NEK1: variants seen among roughly 807,000 people sequenced by gnomAD.
The protein encoded by NEK1 is serine/threonine-protein kinase Nek1.
A neutral mutation model predicts 182.1 loss-of-function variants in NEK1; 137 were observed. The observed-to-expected ratio is 0.75, with a 90% CI of 0.65 to 0.87. NEK1 has a LOEUF of 0.87. Among genes scored for constraint, NEK1 ranks in the 40% least tolerant of loss-of-function variants. NEK1 has a pLI of 0.00. For missense variants in NEK1, 1,391 were observed against 1,494.4 expected, an observed-to-expected ratio of 0.93 and a Z score of 1.14; for synonymous variants, 513 against 492.2, an observed-to-expected ratio of 1.04 and a Z score of -0.56.
intron 32 of NEK1, among the ~76,000 whole-genome samples, chr4:169,404,770 T>G (rs933354325): frequency 5.6e-5 from 7 of 124,492 alleles, no homozygotes; most frequent in African/African-American, 2.0e-4. Context: ...TTTTGTTTTT[T>G]TATGGAAAAA....
intron 12 of NEK1, among the ~76,000 whole-genome samples, chr4:169,570,256 C>T (rs1353651434): frequency 1.3e-5 from 2 of 151,842 alleles, no homozygotes; most frequent in Non-Finnish European, 2.9e-5. Context: ...CTCTGCCTGG[C>T]AACCGCCCCA....
At chr4:169,580,036 A>ATG (rs1766354698) in intron 11 of NEK1, among the ~76,000 whole-genome samples, 1 of 152,218 alleles carries the variant, frequency 6.6e-6, no homozygotes, top group African/African-American at 2.4e-5. Context: ...TCCCTCTCAC[A>ATG]TAGATACATC....
chr4:169,536,142 CAA>C (rs1265509882), intron 19 of NEK1, among the ~76,000 whole-genome samples: 2 of 151,308 alleles, frequency 1.3e-5, no homozygotes, highest in Admixed American at 1.3e-4. Context: ...TAAAAAAATA[CAA>C]AACTTAGATG....
chr4:169,433,581 A>C lies in NEK1; in HGVS notation c.2849T>G (p.Val950Gly). The C allele has an allele frequency of 6.2e-7, 1 of 1,612,764 alleles. No individual in the cohort carries two copies. Among genetic ancestry groups the C allele is most frequent in the African/African-American group, 1.3e-5 (1 of 75,022 alleles). The change falls in exon 29 of 36, where the codon GTG becomes GGG. Residue 950 changes from valine to glycine, a missense_variant. Coordinates refer to ENST00000507142, the MANE Select transcript of NEK1 (RefSeq NM_001199397.3). ...DESLPCTITD[V>G]WISEEKETKE... ...TGTTTCTTTTTCCTCACTAATCCACACATCAGTAATAGTGCATGGCAAGCT... is the reference window on the plus strand; with the variant it reads ...TGTTTCTTTTTCCTCACTAATCCACCCATCAGTAATAGTGCATGGCAAGCT...
rs551116876 is a variant in NEK1, at chr4:169,468,804, G to C, written c.2435-5409C>G. On this transcript the variant is annotated intron_variant, in intron 26 of 35. Transcript: ENST00000507142. ...TGCCTGAATTTCAGAACTTGTTATT[G>C]GTCTATTTTCAGGGATTCGACTTCT... Among the ~76,000 whole-genome samples the C allele has an allele frequency of 2.0e-5, 3 of 152,202 alleles. No homozygotes were observed. The East Asian group carries it at 5.8e-4, about 29-fold the overall frequency.
chr4:169,450,534 T>C (rs1049041026), intron 27 of NEK1, among the ~76,000 whole-genome samples: 15 of 152,152 alleles, frequency 9.9e-5, no homozygotes, highest in African/African-American at 3.4e-4. Flanking sequence ...TCAACATTCT[T>C]CAAGGAAAGA....
intron 4 of NEK1, among the ~76,000 whole-genome samples, chr4:169,601,628 A>C (rs972188308): frequency 6.6e-6 from 1 of 152,138 alleles, no homozygotes; most frequent in Non-Finnish European, 1.5e-5. Flanking sequence ...AAAAATATGT[A>C]AATTACTGTT....
intron 19 of NEK1, among the ~76,000 whole-genome samples, chr4:169,524,374 T>C (rs1452559452): frequency 1.3e-5 from 2 of 151,398 alleles, no homozygotes; most frequent in East Asian, 1.9e-4. Flanking sequence ...TAAAGCAGAA[T>C]TGCTTGAACC....
chr4:169,495,304 C>G (rs1228410974), intron 23 of NEK1, among the ~76,000 whole-genome samples: 2 of 138,362 alleles, frequency 1.4e-5, no homozygotes, highest in African/African-American at 5.3e-5. Flanking sequence ...AGTGCAGTGG[C>G]GCGATCTCGA....
chr4:169,547,098 G>C (rs368267673), intron 18 of NEK1, among the ~76,000 whole-genome samples: 1 of 152,136 alleles, frequency 6.6e-6, no homozygotes, highest in East Asian at 1.9e-4. Flanking sequence ...ATATGCTTTT[G>C]CAGTGGCTGG....
intron 12 of NEK1, chr4:169,576,570 G>A (rs189064840): frequency 1.2e-5 from 2 of 170,942 alleles, no homozygotes; most frequent in Admixed American, 1.2e-4. Context: ...CTGTTTATCT[G>A]ATTGTGAATT....
At chr4:169,450,569 C>T (rs761166213) in intron 27 of NEK1, among the ~76,000 whole-genome samples, 1 of 152,130 alleles carries the variant, frequency 6.6e-6, no homozygotes, top group Admixed American at 6.6e-5. Flanking sequence ...ATTTGATATC[C>T]AGCCAAACTA....
intron 19 of NEK1, among the ~76,000 whole-genome samples, chr4:169,513,785 G>A (rs900566746): frequency 3.3e-5 from 5 of 151,884 alleles, no homozygotes; most frequent in African/African-American, 1.2e-4. Flanking sequence ...ATGAATGGGT[G>A]CTGATTTTTT....
At chr4:169,610,598 C>G (rs1166897037) in intron 2 of NEK1, among the ~76,000 whole-genome samples, 1 of 152,184 alleles carries the variant, frequency 6.6e-6, no homozygotes, top group Non-Finnish European at 1.5e-5. Context: ...CAGGTAAGAG[C>G]CACAGCACCC....
At chr4:169,447,096 G>T (rs947416304) in intron 27 of NEK1, among the ~76,000 whole-genome samples, 5 of 152,090 alleles carry the variant, frequency 3.3e-5, no homozygotes, top group African/African-American at 9.7e-5. Flanking sequence ...GAAGGTTATA[G>T]AACACCAAGC....
intron 18 of NEK1, among the ~76,000 whole-genome samples, chr4:169,543,489 G>A (rs538352663): frequency 3.3e-4 from 50 of 152,262 alleles, no homozygotes; most frequent in Admixed American, 1.2e-3. Context: ...GGTTCCATAC[G>A]AAATTTAAAG....
At chr4:169,401,206 GAC>G (rs544147713) in intron 33 of NEK1, among the ~76,000 whole-genome samples, 87 of 152,230 alleles carry the variant, frequency 5.7e-4, no homozygotes, top group African/African-American at 2.0e-3. Context: ...TATTGAAACA[GAC>G]ACACTTTCTA....
chr4:169,564,421 A>G (rs1332745353), intron 12 of NEK1, among the ~76,000 whole-genome samples: 1 of 152,162 alleles, frequency 6.6e-6, no homozygotes. Context: ...ATATTTTAAC[A>G]TAAGTCATTG....
intron 11 of NEK1, among the ~76,000 whole-genome samples, chr4:169,577,710 C>A (rs1018014658): frequency 6.6e-6 from 1 of 151,846 alleles, no homozygotes; most frequent in Non-Finnish European, 1.5e-5. Context: ...GCCGAGATTG[C>A]GCCACTGCAC....
Sources: gnomAD v4.1 joint callset for allele counts (sites outside exome capture counted in the v4.1 genomes callset) on GRCh38, gnomAD v4.1.1 for gene constraint, MANE v1.5 for transcripts, NCBI Gene and HGNC (gene_info 2026-07-23, HGNC 2026-07-21) for gene names.